The following CASP6 variants were observed in gnomAD, a reference collection of about 807,000 sequenced individuals.
The protein encoded by CASP6 is caspase-6.
In CASP6, 20 loss-of-function variants were observed where a neutral mutation model predicts 31.8. The observed-to-expected ratio is 0.63, with a 90% CI of 0.44 to 0.91. The LOEUF (loss-of-function observed/expected upper bound fraction) is 0.91. Ranked by LOEUF, CASP6 falls within the 40% of genes least tolerant of loss-of-function variation. The probability of loss-of-function intolerance (pLI) is 0.00; values close to 1 mark genes in which losing one functional copy is unlikely to be tolerated. For missense variants in CASP6, 328 were observed against 361.1 expected (o/e 0.91, Z 0.74); for synonymous variants, 130 against 127.8 (o/e 1.02, Z -0.12).
upstream of CASP6, among the ~76,000 whole-genome samples, chr4:109,707,297 G>T: frequency 6.6e-6 from 1 of 151,892 alleles, no homozygotes; most frequent in East Asian, 1.9e-4. Context: ...TTTCCCCAGT[G>T]CAAGTTACTT....
chr4:109,686,148 A>G (rs916508454), downstream of CASP6, among the ~76,000 whole-genome samples: 1 of 152,204 alleles, frequency 6.6e-6, no homozygotes, highest in South Asian at 2.1e-4. Flanking sequence ...GTTTTAATTT[A>G]AATTTTTTTG....
chr4:109,683,443 G>GT, the CASP6 span, among the ~76,000 whole-genome samples: 1 of 152,014 alleles, frequency 6.6e-6, no homozygotes, highest in Non-Finnish European at 1.5e-5. Flanking sequence ...TACCATTTTA[G>GT]TTTTTTCTTT....
chr4:109,678,370 G>A, the CASP6 span, among the ~76,000 whole-genome samples: 27 of 151,402 alleles, frequency 1.8e-4, 1 homozygote, highest in South Asian at 4.4e-3. Context: ...TGGGGCGGCC[G>A]GGCAGAGGCG....
At chr4:109,707,768 C>T (rs915204425), upstream of CASP6, among the ~76,000 whole-genome samples, 2 of 152,132 alleles carry the variant, frequency 1.3e-5, no homozygotes, top group Non-Finnish European at 1.5e-5. Flanking sequence ...TGATGAGGGT[C>T]TCTAGATAAT....
At chr4:109,693,597 GAAT>G (rs1297590338) in intron 5 of CASP6, among the ~76,000 whole-genome samples, 1 of 149,556 alleles carries the variant, frequency 6.7e-6, no homozygotes, top group Non-Finnish European at 1.5e-5. Flanking sequence ...TGAAGTGGGA[GAAT>G]AATTGAACCT....
At chr4:109,684,317 C>G, downstream of CASP6, 1 of 641,570 alleles carries the variant, frequency 1.6e-6, no homozygotes, top group Non-Finnish European at 2.6e-6. Context: ...CCACCTCGGC[C>G]TCCCAGAGTG....
upstream of CASP6, among the ~76,000 whole-genome samples, chr4:109,705,062 T>C (rs951277429): frequency 6.6e-6 from 1 of 152,186 alleles, no homozygotes; most frequent in Non-Finnish European, 1.5e-5. Context: ...AGATTCCATC[T>C]AAGACTTTCA....
the CASP6 span, among the ~76,000 whole-genome samples, chr4:109,680,198 T>C: frequency 2.1e-4 from 32 of 152,308 alleles, no homozygotes; most frequent in African/African-American, 7.7e-4. Flanking sequence ...CTCTGGCTCT[T>C]ACTCCCAACC....
At chr4:109,699,029 GC>G (rs1368655926) in intron 1 of CASP6, among the ~76,000 whole-genome samples, 1 of 152,178 alleles carries the variant, frequency 6.6e-6, no homozygotes, top group African/African-American at 2.4e-5. Flanking sequence ...TCATAAGGTA[GC>G]CACTGGCCAC....
At chr4:109,696,520 A>C (rs1182719724) in intron 3 of CASP6, 34 bp from the exon 4 acceptor site, 4 of 1,474,952 alleles carry the variant, frequency 2.7e-6, no homozygotes, top group Non-Finnish European at 3.8e-6. Flanking sequence ...TTAGCCTATA[A>C]ACTTTTCAAA....
At chr4:109,705,996 AAAAAAATATATATATATATAT>A (rs1353867999), upstream of CASP6, among the ~76,000 whole-genome samples, 10 of 64,584 alleles carry the variant, frequency 1.5e-4, no homozygotes, top group Non-Finnish European at 2.6e-4. Context: ...AAAAAAAAAA[AAAAAAATATATATATATATAT>A]ATATATATAT....
upstream of CASP6, among the ~76,000 whole-genome samples, chr4:109,705,463 A>C (rs1307958552): frequency 6.6e-6 from 1 of 152,182 alleles, no homozygotes; most frequent in Non-Finnish European, 1.5e-5. Context: ...ATCAAGGAGA[A>C]ATTTTGACTT....
intron 1 of CASP6, among the ~76,000 whole-genome samples, chr4:109,699,685 C>CA (rs143204475): frequency 0.011 from 1,730 of 152,238 alleles, 41 homozygotes; most frequent in African/African-American, 0.04. Flanking sequence ...GTGTGAGAGC[C>CA]AAAAGCAACC....
At chr4:109,703,289 CT>C in intron 1 of CASP6, 66 bp downstream of exon 1, 9 of 1,551,528 alleles carry the variant, frequency 5.8e-6, no homozygotes, top group Non-Finnish European at 7.9e-6. Flanking sequence ...TCCACTAACC[CT>C]CGTTTCCCCT....
chr4:109,700,553 G>A (rs1275019589), intron 1 of CASP6, among the ~76,000 whole-genome samples: 1 of 152,072 alleles, frequency 6.6e-6, no homozygotes, highest in Non-Finnish European at 1.5e-5. Context: ...CAGTTTCAAA[G>A]TTAACAGATT....
the CASP6 span, chr4:109,682,484 T>C: frequency 2.1e-6 from 2 of 972,060 alleles, no homozygotes; most frequent in Non-Finnish European, 3.1e-6. Context: ...CTGTGGATCC[T>C]AAGATAATAT....
the CASP6 span, among the ~76,000 whole-genome samples, chr4:109,676,555 T>A: frequency 6.6e-6 from 1 of 152,216 alleles, no homozygotes; most frequent in Non-Finnish European, 1.5e-5. Context: ...TTTTCTAGTC[T>A]GCTCTTCCAA....
chr4:109,682,677 A>C, the CASP6 span: 5 of 1,613,746 alleles, frequency 3.1e-6, no homozygotes, highest in East Asian at 1.1e-4. Context: ...GTCTCAGAAA[A>C]AGAGAGAGCA....
chr4:109,679,911 C>T, the CASP6 span, among the ~76,000 whole-genome samples: 1 of 152,110 alleles, frequency 6.6e-6, no homozygotes, highest in Non-Finnish European at 1.5e-5. Flanking sequence ...AAGCAATTCT[C>T]CTGCCTCAGC....
Sources: gnomAD v4.1 joint callset for allele counts (sites outside exome capture counted in the v4.1 genomes callset) on GRCh38, gnomAD v4.1.1 for gene constraint, MANE v1.5 for transcripts, NCBI Gene and HGNC (gene_info 2026-07-23, HGNC 2026-07-21) for gene names.